STAG1: variants seen among roughly 807,000 people sequenced by gnomAD.
The protein encoded by STAG1 is cohesin subunit SA-1.
In STAG1, 26 loss-of-function variants were observed where a neutral mutation model predicts 170.9. That is an observed-to-expected ratio of 0.15 (90% CI 0.11 to 0.21). The LOEUF (loss-of-function observed/expected upper bound fraction) is 0.21. STAG1 is among the 10% of genes least tolerant of loss of function. STAG1 has a pLI of 1.00. For synonymous variants in STAG1, 514 were observed against 497.7 expected, an observed-to-expected ratio of 1.03 and a Z score of -0.44; for missense variants, 964 against 1,509.5, an observed-to-expected ratio of 0.64 and a Z score of 5.99.
intron 1 of STAG1, among the ~76,000 whole-genome samples, chr3:136,638,393 C>T (rs1940662484): frequency 6.6e-6 from 1 of 152,174 alleles, no homozygotes; most frequent in South Asian, 2.1e-4. Context: ...CCTCAGCCTC[C>T]CAAAGTGCTG....
At chr3:136,395,774 T>A (rs1382160044) in intron 22 of STAG1, among the ~76,000 whole-genome samples, 1 of 152,144 alleles carries the variant, frequency 6.6e-6, no homozygotes, top group Non-Finnish European at 1.5e-5. Flanking sequence ...TCAACAAAAA[T>A]GACGTCTGTG....
intron 1 of STAG1, among the ~76,000 whole-genome samples, chr3:136,733,084 CTTT>C (rs55935142): frequency 3.9e-5 from 5 of 128,288 alleles, no homozygotes; most frequent in African/African-American, 8.6e-5. Flanking sequence ...TAAAACCTAA[CTTT>C]TTTTTTTTTT....
intron 1 of STAG1, among the ~76,000 whole-genome samples, chr3:136,637,516 GT>G (rs1940616152): frequency 6.6e-6 from 1 of 152,160 alleles, no homozygotes; most frequent in Non-Finnish European, 1.5e-5. Context: ...ATGTTGTACT[GT>G]AAAAGACTAT....
chr3:136,370,424 T>C (rs568755253), intron 23 of STAG1, among the ~76,000 whole-genome samples: 78 of 152,314 alleles, frequency 5.1e-4, no homozygotes, highest in African/African-American at 1.8e-3. Flanking sequence ...GTTTGTTACA[T>C]AGGTATACAT....
chr3:136,532,183 A>G (rs1935407163), intron 6 of STAG1, among the ~76,000 whole-genome samples: 2 of 152,196 alleles, frequency 1.3e-5, no homozygotes, highest in Non-Finnish European at 2.9e-5. Context: ...CAGAAATACA[A>G]AAGATCATCA....
intron 29 of STAG1, among the ~76,000 whole-genome samples, chr3:136,346,822 G>GGCTT (rs1318927881): frequency 6.6e-6 from 1 of 152,216 alleles, no homozygotes; most frequent in African/African-American, 2.4e-5. Flanking sequence ...AGAATGGCTA[G>GGCTT]GCGCAATGGC....
At chr3:136,727,824 A>C (rs1226776502) in intron 1 of STAG1, among the ~76,000 whole-genome samples, 1 of 152,130 alleles carries the variant, frequency 6.6e-6, no homozygotes, top group Non-Finnish European at 1.5e-5. Context: ...GGGAGGAAAA[A>C]CATCTAGATT....
At chr3:136,386,075 T>C (rs1357724537) in intron 22 of STAG1, among the ~76,000 whole-genome samples, 4 of 152,172 alleles carry the variant, frequency 2.6e-5, no homozygotes, top group Non-Finnish European at 4.4e-5. Context: ...CAGTGGCTCA[T>C]GCCTGTAATC....
At chr3:136,658,872 A>G (rs1313518619) in intron 1 of STAG1, among the ~76,000 whole-genome samples, 1 of 152,158 alleles carries the variant, frequency 6.6e-6, no homozygotes, top group Non-Finnish European at 1.5e-5. Context: ...GCTTAATTTT[A>G]CTTACTTTAC....
At position 136,752,272 on chromosome 3, in the gene STAG1, G is replaced by A. The variant is rs1170660495; in HGVS notation, c.-161C>T. On this transcript the variant is annotated 5_prime_UTR_variant, in exon 1 of 34. Transcript: ENST00000383202. ...GTCTCCGGTGTGTTATTCCCGATGT[G>A]GGGGGGTTGTTACGGGGTGGTCGCC... 6.5e-6 allele frequency: 1 copy of A among 152,752 alleles called. No individual in the cohort carries two copies. The highest frequency in any genetic ancestry group is 6.5e-5 in the Admixed American group (1 of 15,290). The allele number at this position is 152,752 out of a possible 1,614,324, so 9.5% of individuals were successfully genotyped here.
chr3:136,608,195 G>A (rs115905504), intron 3 of STAG1, among the ~76,000 whole-genome samples: 1,815 of 151,472 alleles, frequency 0.012, 21 homozygotes, highest in Non-Finnish European at 0.02. Context: ...AGGCAGAGAG[G>A]TTGCAGTGAG....
chr3:136,700,266 G>A (rs1281884155), intron 1 of STAG1, among the ~76,000 whole-genome samples: 1 of 148,634 alleles, frequency 6.7e-6, no homozygotes, highest in Non-Finnish European at 1.5e-5. Context: ...TCCTAATTTT[G>A]AGCAATAAAG....
intron 9 of STAG1, among the ~76,000 whole-genome samples, chr3:136,478,845 C>T (rs901546852): frequency 6.6e-6 from 1 of 152,094 alleles, no homozygotes; most frequent in African/African-American, 2.4e-5. Context: ...TGGAGGAAGA[C>T]ATCCTGAGTT....
intron 9 of STAG1, among the ~76,000 whole-genome samples, chr3:136,485,039 G>A (rs547679823): frequency 1.3e-5 from 2 of 152,016 alleles, no homozygotes; most frequent in South Asian, 4.1e-4. Context: ...CCCGTCTTCT[G>A]CGTCGCTCAC....
At chr3:136,616,382 G>A (rs961761109) in intron 3 of STAG1, among the ~76,000 whole-genome samples, 8 of 152,178 alleles carry the variant, frequency 5.3e-5, no homozygotes, top group Admixed American at 4.6e-4. Flanking sequence ...CTGTGTTCTT[G>A]GAACTGTGGT....
chr3:136,359,036 G>C, intron 27 of STAG1, 112 bp downstream of exon 27: 1 of 931,082 alleles, frequency 1.1e-6, no homozygotes, highest in Non-Finnish European at 1.5e-6. Flanking sequence ...AATCTCCAAA[G>C]TTCTTATAAC....
chr3:136,498,233 T>TATATATATATATATATATATATACACAC lies in STAG1; in HGVS notation c.902+1989_902+1990insGTGTGTATATATATATATATATATATAT. On this transcript the variant is annotated intron_variant, in intron 9 of 33. Transcript: ENST00000383202. ...AATTATATATATATATATATATATA[T>TATATATATATATATATATATATACACAC]ACACATACATATACATACACACACA... 5.4e-4 allele frequency among the ~76,000 whole-genome samples: 31 copies of TATATATATATATATATATATATACACAC among 57,474 alleles called. 1 individual carries two copies. Among genetic ancestry groups the TATATATATATATATATATATATACACAC allele is most frequent in the South Asian group, 2.3e-3 (4 of 1,708 alleles). 37.7% of individuals were successfully genotyped at this position (57,474 alleles called of 152,430 possible).
At chr3:136,663,939 A>G (rs1317637347) in intron 1 of STAG1, among the ~76,000 whole-genome samples, 1 of 152,178 alleles carries the variant, frequency 6.6e-6, no homozygotes, top group Non-Finnish European at 1.5e-5. Context: ...AAAGGAGATA[A>G]AGAGAGGATC....
chr3:136,742,648 G>C (rs1934727923), intron 1 of STAG1, among the ~76,000 whole-genome samples: 1 of 151,670 alleles, frequency 6.6e-6, no homozygotes, highest in South Asian at 2.1e-4. Flanking sequence ...CTGGAAGGTG[G>C]AGGTTTCAGT....
Sources: allele counts gnomAD v4.1 joint callset (sites outside exome capture counted in the v4.1 genomes callset), GRCh38; gene constraint gnomAD v4.1.1; transcripts MANE v1.5; gene names NCBI Gene and HGNC (gene_info 2026-07-23, HGNC 2026-07-21).